Variants in B4GALNT3 observed in about 807,000 individuals in gnomAD.
The protein encoded by B4GALNT3 is beta-1,4-N-acetyl-galactosaminyltransferase 3.
Under a neutral mutation model 120.2 loss-of-function variants are expected in B4GALNT3, and 86 were observed. That is an observed-to-expected ratio of 0.72 (90% CI 0.60 to 0.86). The LOEUF (loss-of-function observed/expected upper bound fraction) is 0.86. Ranked by LOEUF, B4GALNT3 falls within the 40% of genes least tolerant of loss-of-function variation. B4GALNT3 has a pLI of 0.00. For missense variants in B4GALNT3, 1,167 were observed against 1,298.9 expected, an observed-to-expected ratio of 0.90 and a Z score of 1.56; for synonymous variants, 518 against 510.4, an observed-to-expected ratio of 1.01 and a Z score of -0.20.
chr12:471,497 A>G (rs996485441), intron 1 of B4GALNT3, among the ~76,000 whole-genome samples: 50 of 152,078 alleles, frequency 3.3e-4, no homozygotes, highest in Middle Eastern at 6.8e-3. Flanking sequence ...ACCTGAGGTC[A>G]TGAGTTCAAG....
chr12:467,239 T>C (rs1241212802), intron 1 of B4GALNT3, among the ~76,000 whole-genome samples: 2 of 152,152 alleles, frequency 1.3e-5, no homozygotes, highest in African/African-American at 4.8e-5. Context: ...CTCGGCCTCA[T>C]TTTAAAATGA....
intron 7 of B4GALNT3, among the ~76,000 whole-genome samples, chr12:547,697 G>A (rs1455592262): frequency 6.6e-6 from 1 of 152,102 alleles, no homozygotes; most frequent in Non-Finnish European, 1.5e-5. Context: ...TACGAACAAG[G>A]ATTACATGAG....
intron 15 of B4GALNT3, 103 bp from the exon 16 acceptor site, chr12:557,505 C>A: frequency 8.1e-7 from 1 of 1,232,130 alleles, no homozygotes; most frequent in Non-Finnish European, 1.1e-6. Flanking sequence ...AGCCGAGGTC[C>A]GATGGGCACT....
intron 14 of B4GALNT3, 82 bp from the exon 15 acceptor site, chr12:556,465 A>G (rs1195595469): frequency 7.3e-6 from 10 of 1,370,604 alleles, no homozygotes; most frequent in Non-Finnish European, 1.0e-5. Flanking sequence ...CCCAACAACT[A>G]GCTTTGCAGG....
chr12:552,472 G>T lies in B4GALNT3; in HGVS notation c.1214G>T (p.Ser405Ile). 1.2e-6 allele frequency: 2 copies of T among 1,613,892 alleles called. No individual in the cohort carries two copies. The highest frequency in any genetic ancestry group is 1.7e-5 in the Admixed American group (1 of 60,028). Residue 405 changes from serine to isoleucine, a missense_variant, in exon 13 of 20, where the codon AGC becomes ATC. Physicochemically the swap from Ser to Ile is moderately radical, Grantham distance 142. Coordinates refer to ENST00000266383, the MANE Select transcript of B4GALNT3 (RefSeq NM_173593.4). ...CACCTCCCTTCCTCCTGCAGGTTCA[G>T]CTTTCAGGAGTACATCAAGATTGAC... Reference protein sequence around the residue: ...QENAYYQDRFSFQEYIKIDQP... With the variant: ...QENAYYQDRFIFQEYIKIDQP...
chr12:538,486 G>A lies in B4GALNT3; in HGVS notation c.351+2191G>A, dbSNP rs190413151. On this transcript the variant is annotated intron_variant, in intron 3 of 19. Transcript: ENST00000266383. ...AGGCGGGAGGATTGCTTGAGTGTAG[G>A]CAGTTAAGGCTTCAGTGAGCCGAGA... Among the ~76,000 whole-genome samples the A allele has an allele frequency of 5.2e-4, 78 of 149,304 alleles. 1 individual carries two copies. In the East Asian group the frequency reaches 7.9e-3, roughly 15 times the overall value.
intron 1 of B4GALNT3, among the ~76,000 whole-genome samples, chr12:489,495 A>G (rs754352390): frequency 1.3e-5 from 2 of 152,230 alleles, no homozygotes; most frequent in African/African-American, 4.8e-5. Context: ...CAATTAAAAG[A>G]TGGAGATTGT....
intron 7 of B4GALNT3, among the ~76,000 whole-genome samples, chr12:547,267 C>A (rs1325340096): frequency 6.6e-6 from 1 of 152,206 alleles, no homozygotes; most frequent in Non-Finnish European, 1.5e-5. Flanking sequence ...CGTTCTGATG[C>A]TCGACAGCAC....
intron 3 of B4GALNT3, among the ~76,000 whole-genome samples, chr12:540,774 C>G (rs948021647): frequency 6.6e-6 from 1 of 151,880 alleles, no homozygotes; most frequent in African/African-American, 2.4e-5. Flanking sequence ...GACGGAGTCT[C>G]GCTCTGTCGC....
chr12:520,898 C>T (rs146403335), intron 1 of B4GALNT3, among the ~76,000 whole-genome samples: 2 of 152,334 alleles, frequency 1.3e-5, no homozygotes, highest in Non-Finnish European at 1.5e-5. Flanking sequence ...CATGGGAACT[C>T]ACTTTTCCCT....
At chr12:542,772 G>A (rs574743021) in intron 3 of B4GALNT3, among the ~76,000 whole-genome samples, 40 of 152,224 alleles carry the variant, frequency 2.6e-4, no homozygotes, top group Non-Finnish European at 3.8e-4. Context: ...CTGCCCCGAG[G>A]CTGTCCCAGG....
chr12:544,120 A>G (rs1285959683), intron 3 of B4GALNT3, among the ~76,000 whole-genome samples: 3,255 of 32,760 alleles, frequency 0.099, no homozygotes, highest in Middle Eastern at 0.12. Context: ...AGGAGCTGGG[A>G]CGGGCATGGG....
intron 1 of B4GALNT3, among the ~76,000 whole-genome samples, chr12:484,103 G>A (rs957687886): frequency 2.0e-5 from 3 of 152,194 alleles, no homozygotes; most frequent in Non-Finnish European, 4.4e-5. Flanking sequence ...AACTAATCCC[G>A]TACCAGCGAC....
At chr12:474,899 A>T (rs1392991287) in intron 1 of B4GALNT3, among the ~76,000 whole-genome samples, 1 of 97,750 alleles carries the variant, frequency 1.0e-5, no homozygotes, top group Non-Finnish European at 2.2e-5. Flanking sequence ...CAGTGAGCCA[A>T]GATTGACCAC....
At chr12:491,696 T>C (rs1046258640) in intron 1 of B4GALNT3, among the ~76,000 whole-genome samples, 1 of 152,064 alleles carries the variant, frequency 6.6e-6, no homozygotes, top group African/African-American at 2.4e-5. Flanking sequence ...ATAAGCAGTA[T>C]CTACAACCTA....
chr12:552,082 A>G lies in B4GALNT3; in HGVS notation c.1127A>G (p.Tyr376Cys). 6.2e-7 allele frequency: 1 copy of G among 1,610,808 alleles called. No homozygotes were observed. The highest frequency in any genetic ancestry group is 8.5e-7 in the Non-Finnish European group (1 of 1,177,162). The stretch of plus-strand genomic sequence containing the variant: ...TTCCAGGTTCATCTGTCTTTTGTTT[A>G]CCCCAATGACTATACCCGCCTGAGC... ...GLRFVHLSFV[Y>C]PNDYTRLSHM... is the part of the protein sequence containing the mutation. The change falls in exon 12 of 20, where the codon TAC becomes TGC. Residue 376 changes from tyrosine (Y) to cysteine (C), a missense_variant. Transcript: ENST00000266383.
intron 1 of B4GALNT3, among the ~76,000 whole-genome samples, chr12:505,851 C>T (rs1946492231): frequency 6.6e-6 from 1 of 152,174 alleles, no homozygotes; most frequent in African/African-American, 2.4e-5. Context: ...CTCTGTGGAA[C>T]CCACCAAGGA....
intron 1 of B4GALNT3, among the ~76,000 whole-genome samples, chr12:464,643 T>G (rs951489327): frequency 7.7e-6 from 1 of 129,122 alleles, no homozygotes; most frequent in Non-Finnish European, 1.7e-5. Context: ...AAAAAAAAAA[T>G]GGTTTCTAGA....
intron 1 of B4GALNT3, among the ~76,000 whole-genome samples, chr12:506,704 T>A (rs34639318): frequency 0.011 from 1,664 of 152,290 alleles, 15 homozygotes; most frequent in Middle Eastern, 0.024. Context: ...TGGCGCGGTC[T>A]CGGCTCACTG....
Sources: allele counts gnomAD v4.1 joint callset (sites outside exome capture counted in the v4.1 genomes callset), GRCh38; gene constraint gnomAD v4.1.1; transcripts MANE v1.5; gene names NCBI Gene and HGNC (gene_info 2026-07-23, HGNC 2026-07-21).